The following ST3GAL3 variants were observed in gnomAD, a reference collection of about 807,000 sequenced individuals.
The protein encoded by ST3GAL3 is ST3 beta-galactoside alpha-2,3-sialyltransferase 3, also known as CMP-N-acetylneuraminate-beta-1,4-galactoside alpha-2,3-sialyltransferase.
A neutral mutation model predicts 50.1 loss-of-function variants in ST3GAL3; 21 were observed. That is an observed-to-expected ratio of 0.42 (90% CI 0.30 to 0.60). ST3GAL3 has a LOEUF of 0.60. Among genes scored for constraint, ST3GAL3 ranks in the 20% least tolerant of loss-of-function variants. ST3GAL3 has a pLI of 0.19. For missense variants in ST3GAL3, 353 were observed against 489.4 expected, an observed-to-expected ratio of 0.72 and a Z score of 2.63; for synonymous variants, 183 against 190.0, an observed-to-expected ratio of 0.96 and a Z score of 0.30.
At chr1:43,892,496 A>T (rs2076822349) in intron 5 of ST3GAL3, among the ~76,000 whole-genome samples, 1 of 152,356 alleles carries the variant, frequency 6.6e-6, no homozygotes, top group East Asian at 1.9e-4. Context: ...AAGGTTAATT[A>T]TCTCTGTGTT....
At chr1:43,730,291 T>G (rs1482833982) in intron 1 of ST3GAL3, among the ~76,000 whole-genome samples, 2 of 152,220 alleles carry the variant, frequency 1.3e-5, no homozygotes, top group Non-Finnish European at 2.9e-5. Flanking sequence ...TGCCAGAGCC[T>G]TGGGCTGTGG....
chr1:43,834,017 C>T (rs371121514), intron 4 of ST3GAL3, among the ~76,000 whole-genome samples: 22 of 152,048 alleles, frequency 1.4e-4, no homozygotes, highest in African/African-American at 2.9e-4. Context: ...AAAAATTAGC[C>T]GGGCGCGGTG....
intron 5 of ST3GAL3, chr1:43,850,489 T>C (rs1366933085): frequency 1.6e-6 from 1 of 620,838 alleles, no homozygotes; most frequent in East Asian, 3.7e-5. Context: ...TGGGCTACCT[T>C]TTGGAAGCCT....
intron 9 of ST3GAL3, among the ~76,000 whole-genome samples, chr1:43,911,517 A>ATATAGATAACTATAGACATATCTGTAGC (rs2080839069): frequency 2.4e-5 from 3 of 122,830 alleles, no homozygotes; most frequent in African/African-American, 9.6e-5. Context: ...ACATCTATAG[A>ATATAGATAACTATAGACATATCTGTAGC]TATAGATATC....
At chr1:43,901,496 T>G (rs2078265120) in intron 9 of ST3GAL3, among the ~76,000 whole-genome samples, 1 of 152,204 alleles carries the variant, frequency 6.6e-6, no homozygotes, top group Non-Finnish European at 1.5e-5. Context: ...TGTCAGTTAA[T>G]TCAAGGTTCT....
chr1:43,771,347 C>T (rs188197942), intron 2 of ST3GAL3, among the ~76,000 whole-genome samples: 49 of 150,626 alleles, frequency 3.3e-4, no homozygotes, highest in African/African-American at 1.0e-3. Flanking sequence ...ATAAGCGAGA[C>T]TGTTGGGCGA....
intron 2 of ST3GAL3, among the ~76,000 whole-genome samples, chr1:43,768,286 T>A (rs561743650): frequency 1.4e-4 from 22 of 152,068 alleles, no homozygotes; most frequent in African/African-American, 3.4e-4. Context: ...AAATTTTTTT[T>A]AAAATTAGCT....
chr1:43,851,737 A>C, intron 5 of ST3GAL3: 3 of 1,044,600 alleles, frequency 2.9e-6, no homozygotes, highest in African/African-American at 3.2e-5. Flanking sequence ...TTGCTATTGC[A>C]TGGGTCCGAA....
Position 43,926,178 on chromosome 1 carries a change from G to A in ST3GAL3, c.1039-3954G>A, listed in dbSNP as rs576181291. Among the ~76,000 whole-genome samples the A allele has an allele frequency of 7.9e-5, 12 of 152,304 alleles. No individual in the cohort carries two copies. The East Asian group carries it at 1.7e-3, about 22-fold the overall frequency. On this transcript the variant is annotated intron_variant, in intron 11 of 11. Coordinates refer to ENST00000347631, the MANE Select transcript of ST3GAL3 (RefSeq NM_006279.5). The stretch of plus-strand genomic sequence containing the variant: ...AGATCTGTGAGTTGTTAGCACAGCC[G>A]CTTCTTCAGATATAAGGATGAGATT...
chr1:43,759,308 G>T (rs1689409284), intron 2 of ST3GAL3, among the ~76,000 whole-genome samples: 1 of 152,140 alleles, frequency 6.6e-6, no homozygotes, highest in Admixed American at 6.5e-5. Flanking sequence ...GCTGGGCGTG[G>T]TGGCATGTGC....
chr1:43,894,645 GT>G (rs112814003), intron 6 of ST3GAL3, among the ~76,000 whole-genome samples, 168 bp downstream of exon 6: 45 of 142,086 alleles, frequency 3.2e-4, no homozygotes, highest in Middle Eastern at 3.6e-3. Context: ...TTGTTTGTTT[GT>G]TTTTTTTTTT....
At chr1:43,795,032 G>A (rs751001224) in intron 3 of ST3GAL3, among the ~76,000 whole-genome samples, 4 of 152,034 alleles carry the variant, frequency 2.6e-5, no homozygotes, top group African/African-American at 9.7e-5. Context: ...TGACCTGAAG[G>A]GGTTTTATAG....
rs555297258 is a variant in ST3GAL3 at position 43,707,599 on chromosome 1, C to G, written c.-125C>G. On this transcript the variant is annotated 5_prime_UTR_variant, in exon 1 of 12. Coordinates refer to ENST00000347631, the MANE Select transcript of ST3GAL3 (RefSeq NM_006279.5). The stretch of plus-strand genomic sequence containing the variant: ...GCGTTGTGGGCTCCCGCCGGGGTCC[C>G]CCGCGGCTGTCGCCGCCGCCTACGC... The G allele has an allele frequency of 6.5e-3, 982 of 152,152 alleles. 6 individuals are homozygous for G. The highest frequency in any genetic ancestry group is 0.01 in the Admixed American group (154 of 15,242). The allele number at this position is 152,152 out of a possible 1,614,324, so 9.4% of individuals were successfully genotyped here.
intron 4 of ST3GAL3, among the ~76,000 whole-genome samples, chr1:43,832,336 G>C (rs564380798): frequency 1.2e-4 from 19 of 152,328 alleles, no homozygotes; most frequent in Admixed American, 1.0e-3. Flanking sequence ...CCGGAGCTGA[G>C]AAATACCACA....
intron 4 of ST3GAL3, among the ~76,000 whole-genome samples, chr1:43,832,628 G>T (rs1423322419): frequency 1.3e-5 from 2 of 152,200 alleles, no homozygotes; most frequent in Non-Finnish European, 2.9e-5. Context: ...GTGGCAGTCA[G>T]AGGAGACAGA....
intron 4 of ST3GAL3, among the ~76,000 whole-genome samples, chr1:43,817,228 G>T (rs961953576): frequency 6.6e-6 from 1 of 152,124 alleles, no homozygotes; most frequent in Non-Finnish European, 1.5e-5. Flanking sequence ...ATGGTTTTAT[G>T]AAAAATAAAA....
rs574879578 is a variant in ST3GAL3 at position 43,733,607 on chromosome 1, T to C, written c.-30-2626T>C. Among the ~76,000 whole-genome samples the C allele has an allele frequency of 2.1e-3, 323 of 152,334 alleles. 1 individual carries two copies. The highest frequency in any genetic ancestry group is 7.4e-3 in the African/African-American group (309 of 41,580). On this transcript the variant is annotated intron_variant, in intron 1 of 11. Transcript: ENST00000347631. ...CAGTACCTATCTACCTTAGTAATTATAGCTTTGAGTTGGTTCGATATCTGG... is the reference window on the plus strand; with the variant it reads ...CAGTACCTATCTACCTTAGTAATTACAGCTTTGAGTTGGTTCGATATCTGG...
At chr1:43,850,905 T>G in intron 5 of ST3GAL3, 1 of 1,240,612 alleles carries the variant, frequency 8.1e-7, no homozygotes, top group Non-Finnish European at 1.2e-6. Flanking sequence ...CAGAATCTCT[T>G]TGCCAGTCTT....
intron 5 of ST3GAL3, among the ~76,000 whole-genome samples, chr1:43,886,592 T>C (rs1457414138): frequency 6.6e-6 from 1 of 152,138 alleles, no homozygotes; most frequent in Non-Finnish European, 1.5e-5. Context: ...AGCAGAGGTG[T>C]ACATTTCAGG....
Sources: allele counts gnomAD v4.1 joint callset (sites outside exome capture counted in the v4.1 genomes callset), GRCh38; gene constraint gnomAD v4.1.1; transcripts MANE v1.5; gene names NCBI Gene and HGNC (gene_info 2026-07-23, HGNC 2026-07-21).